Variants in TGM2 observed in about 807,000 individuals in gnomAD.
The protein encoded by TGM2 is transglutaminase 2, also known as protein-glutamine gamma-glutamyltransferase 2.
Under a neutral mutation model 75.6 loss-of-function variants are expected in TGM2, and 53 were observed. That is an observed-to-expected ratio of 0.70 (90% CI 0.56 to 0.88). The LOEUF (loss-of-function observed/expected upper bound fraction) is 0.88, where lower values mean the gene tolerates loss of function less well. Ranked by LOEUF, TGM2 falls within the 40% of genes least tolerant of loss-of-function variation. The pLI is 0.00. For synonymous variants in TGM2, 374 were observed against 381.1 expected, an observed-to-expected ratio of 0.98 and a Z score of 0.22; for missense variants, 842 against 928.5, an observed-to-expected ratio of 0.91 and a Z score of 1.21.
chr20:38,141,940 C>G, intron 7 of TGM2, 124 bp downstream of exon 7: 13 of 1,238,720 alleles, frequency 1.0e-5, no homozygotes, highest in Non-Finnish European at 1.5e-5. Context: ...CCCAAGCCTG[C>G]TCAAATACTG....
At position 38,161,450 on chromosome 20, in the gene TGM2, C is replaced by T. The variant is rs887259107; in HGVS notation, c.160G>A (p.Val54Ile). 4.3e-6 allele frequency: 7 copies of T among 1,614,068 alleles called. No individual in the cohort carries two copies. Among genetic ancestry groups the T allele is most frequent in the Non-Finnish European group, 5.9e-6 (7 of 1,180,030 alleles). ...ACGACACTGAAGGTGAGACTGTCTA[C>T]ACTGGCCTCGTAGTTGCGGCCCTCA... Reference protein sequence around the residue: ...HFEGRNYEASVDSLTFSVVTG... With the variant: ...HFEGRNYEASIDSLTFSVVTG... The change falls in exon 2 of 13, where the codon GTA becomes ATA. Residue 54 changes from valine to isoleucine, a missense_variant. Val to Ile is a conservative substitution (Grantham distance 29, BLOSUM62 3). Coordinates refer to ENST00000361475, the MANE Select transcript of TGM2 (RefSeq NM_004613.4).
intron 3 of TGM2, 125 bp downstream of exon 3, chr20:38,155,722 G>T: frequency 1.4e-6 from 2 of 1,401,180 alleles, no homozygotes; most frequent in Non-Finnish European, 9.5e-7. Flanking sequence ...AGCACAGTGG[G>T]CCTCACTCAG....
At chr20:38,138,815 G>A (rs1042418601) in intron 9 of TGM2, among the ~76,000 whole-genome samples, 21 of 152,250 alleles carry the variant, frequency 1.4e-4, no homozygotes, top group African/African-American at 4.8e-4. Context: ...TTCCCTCCCT[G>A]TCTCTGATTG....
chr20:38,153,615 C>A (rs547255374), intron 3 of TGM2, among the ~76,000 whole-genome samples: 62 of 151,494 alleles, frequency 4.1e-4, no homozygotes, highest in African/African-American at 1.4e-3. Context: ...GGGGAAAAAA[C>A]CAAGTTGTAG....
chr20:38,134,567 G>A (rs568007093), intron 10 of TGM2, among the ~76,000 whole-genome samples: 1 of 152,324 alleles, frequency 6.6e-6, no homozygotes, highest in South Asian at 2.1e-4. Context: ...TGCTGGCTGG[G>A]AAGAGGAAAC....
intron 3 of TGM2, 136 bp downstream of exon 3, chr20:38,155,711 G>C: frequency 1.5e-6 from 2 of 1,346,192 alleles, no homozygotes; most frequent in Admixed American, 2.5e-5. Flanking sequence ...TGTGAGGCTG[G>C]AGCACAGTGG....
rs758267996 is a variant in TGM2, at chr20:38,146,698, A to T, written c.859+19T>A. 8 of 1,612,774 alleles carry T rather than the reference A, an allele frequency of 5.0e-6. No individual in the cohort carries two copies. Among genetic ancestry groups the T allele is most frequent in the Middle Eastern group, 3.3e-4 (2 of 6,082 alleles). On this transcript the variant is annotated intron_variant, in intron 6 of 12. Transcript: ENST00000361475. The stretch of plus-strand genomic sequence containing the variant: ...CCCCCTCCCAGGGCTCATGACCCAC[A>T]TCCCAGCGTGCAGCTCACCTGTGCA...
At chr20:38,158,972 G>A (rs2075221107) in intron 2 of TGM2, among the ~76,000 whole-genome samples, 2 of 152,202 alleles carry the variant, frequency 1.3e-5, no homozygotes, top group South Asian at 2.1e-4. Flanking sequence ...TGTGCACTCT[G>A]TACTCAGAGA....
chr20:38,138,293 C>A lies in TGM2; in HGVS notation c.1435G>T (p.Val479Leu), dbSNP rs1268913176. ...EETGMAMRIR[V>L]GQSMNMGSDF... ...CTGCCCATGTTCATGCTCTGGCCCA[C>A]ACGGATCCGCATGGCCATCCCTGTC... Residue 479 changes from valine to leucine, a missense_variant, in exon 10 of 13, where the codon GTG becomes TTG. Physicochemically the swap from Val to Leu is conservative, Grantham distance 32. Coordinates refer to ENST00000361475, the MANE Select transcript of TGM2 (RefSeq NM_004613.4). 1 of 1,614,214 alleles carries A rather than the reference C, an allele frequency of 6.2e-7. No homozygotes were observed. The highest frequency in any genetic ancestry group is 1.7e-5 in the Admixed American group (1 of 60,026).
upstream of TGM2, among the ~76,000 whole-genome samples, chr20:38,166,976 G>A (rs866763924): frequency 2.0e-5 from 3 of 152,132 alleles, no homozygotes; most frequent in Non-Finnish European, 4.4e-5. Context: ...CCAGCTGTGT[G>A]GCCATGGGCA....
chr20:38,150,345 A>AG (rs1333037333), intron 4 of TGM2, among the ~76,000 whole-genome samples: 1 of 152,198 alleles, frequency 6.6e-6, no homozygotes, highest in Non-Finnish European at 1.5e-5. Flanking sequence ...CAGACTTGTG[A>AG]GAAATAATAA....
intron 10 of TGM2, among the ~76,000 whole-genome samples, chr20:38,136,872 G>A (rs1352904368): frequency 6.6e-6 from 1 of 152,160 alleles, no homozygotes; most frequent in African/African-American, 2.4e-5. Flanking sequence ...CTTATATTTA[G>A]GAAGATAACC....
intron 6 of TGM2, among the ~76,000 whole-genome samples, chr20:38,143,961 C>A (rs879408426): frequency 6.6e-6 from 1 of 152,192 alleles, no homozygotes; most frequent in Non-Finnish European, 1.5e-5. Flanking sequence ...TGACCTCCCC[C>A]TCTTGCCTGG....
chr20:38,130,740 C>T (rs140985394), intron 12 of TGM2, among the ~76,000 whole-genome samples: 82 of 152,206 alleles, frequency 5.4e-4, no homozygotes, highest in African/African-American at 1.8e-3. Flanking sequence ...TGTGCAGCTA[C>T]GTATCTATGT....
intron 3 of TGM2, among the ~76,000 whole-genome samples, chr20:38,152,696 C>T: frequency 6.6e-6 from 1 of 152,368 alleles, no homozygotes; most frequent in African/African-American, 2.4e-5. Flanking sequence ...AGACCCGGCC[C>T]TTTCCCACCC....
rs138570848 is a variant in TGM2 at position 38,142,109 on chromosome 20, C to T, written c.950G>A (p.Arg317His). 6.8e-5 allele frequency: 110 copies of T among 1,614,012 alleles called. No homozygotes were observed. The highest frequency in any genetic ancestry group is 8.5e-5 in the Non-Finnish European group (100 of 1,180,030). ...QNSNLLIEYFRNEFGEIQGDK... is the reference protein window; with the variant it reads ...QNSNLLIEYFHNEFGEIQGDK... The stretch of plus-strand genomic sequence containing the variant: ...ACCCTGGATCTCCCCAAACTCATTG[C>T]GGAAGTACTCGATGAGAAGGTTGCT... The change falls in exon 7 of 13, where the codon CGC (arginine) becomes CAC (histidine). Residue 317 changes from arginine (R) to histidine (H), a missense_variant. Arg to His is a conservative substitution (Grantham distance 29). Transcript: ENST00000361475.
intron 9 of TGM2, 69 bp downstream of exon 9, chr20:38,139,343 G>T: frequency 6.2e-7 from 1 of 1,611,176 alleles, no homozygotes; most frequent in Non-Finnish European, 8.5e-7. Context: ...ACACATACAC[G>T]AGCCTGCCGG....
intron 4 of TGM2, among the ~76,000 whole-genome samples, chr20:38,149,536 G>A (rs957285829): frequency 2.0e-5 from 3 of 151,920 alleles, no homozygotes; most frequent in East Asian, 1.9e-4. Context: ...AAAATTAGCC[G>A]GGTGTGGTGG....
chr20:38,130,834 G>A (rs755366040), intron 12 of TGM2, among the ~76,000 whole-genome samples: 16 of 152,210 alleles, frequency 1.1e-4, no homozygotes, highest in Non-Finnish European at 1.9e-4. Context: ...GAGGATGCAC[G>A]TGTCTGCAGG....
Sources: allele counts gnomAD v4.1 joint callset (sites outside exome capture counted in the v4.1 genomes callset), GRCh38; gene constraint gnomAD v4.1.1; transcripts MANE v1.5; gene names NCBI Gene and HGNC (gene_info 2026-07-23, HGNC 2026-07-21).